The following KCNQ1 variants were observed in gnomAD, a reference collection of about 807,000 sequenced individuals.
KCNQ1 encodes potassium voltage-gated channel subfamily Q member 1.
KCNQ1 carries 49 observed loss-of-function variants against 72.4 expected under a neutral mutation model. The ratio of observed to expected loss-of-function variants is 0.68; its 90% confidence interval spans 0.54 to 0.86. KCNQ1 has a LOEUF of 0.86. KCNQ1 is among the 40% of genes least tolerant of loss of function. The pLI, the probability that KCNQ1 is intolerant of heterozygous loss-of-function variation, is 0.00. For missense variants in KCNQ1, 790 were observed against 945.1 expected, an observed-to-expected ratio of 0.84 and a Z score of 2.15; for synonymous variants, 450 against 412.6, an observed-to-expected ratio of 1.09 and a Z score of -1.10.
chr11:2,509,635 C>T lies in KCNQ1; in HGVS notation c.387-18293C>T, dbSNP rs369091562. ...TCCCAGATGGCCACGGAGGTGTCAG[C>T]GTTTCACTCCCAGCACGTCACGCCA... On this transcript the variant is annotated intron_variant, in intron 1 of 15. Coordinates refer to ENST00000155840, the MANE Select transcript of KCNQ1 (RefSeq NM_000218.3). The surrounding 1 kb of genome is among the most constrained non-coding windows in gnomAD (Gnocchi z 6.3). Among the ~76,000 whole-genome samples, 36 of 152,298 alleles carry T rather than the reference C, an allele frequency of 2.4e-4. No homozygotes were observed. The highest frequency in any genetic ancestry group is 7.9e-4 in the African/African-American group (33 of 41,564).
At chr11:2,721,369 C>T (rs898066761) in intron 11 of KCNQ1, among the ~76,000 whole-genome samples, 2 of 152,210 alleles carry the variant, frequency 1.3e-5, no homozygotes, top group African/African-American at 2.4e-5. Flanking sequence ...AGCCGACTCC[C>T]GCTGGGCGCT....
intron 6 of KCNQ1, among the ~76,000 whole-genome samples, chr11:2,575,631 C>T (rs149259876): frequency 3.3e-5 from 5 of 152,356 alleles, no homozygotes; most frequent in East Asian, 1.9e-4. Context: ...GAGTGAAGTA[C>T]GCCCTCGCCG....
At chr11:2,806,848 G>C (rs776839564) in intron 15 of KCNQ1, among the ~76,000 whole-genome samples, 6 of 152,196 alleles carry the variant, frequency 3.9e-5, no homozygotes, top group African/African-American at 1.4e-4. Flanking sequence ...CCTGGCTTGC[G>C]TGCTGGCTCC....
chr11:2,638,623 C>G (rs1413192949), intron 10 of KCNQ1: 1 of 152,154 alleles, frequency 6.6e-6, no homozygotes, highest in East Asian at 1.9e-4. Flanking sequence ...TCCTTCATTT[C>G]AACTTTGGTG....
intron 11 of KCNQ1, among the ~76,000 whole-genome samples, chr11:2,757,877 C>A (rs979602396): frequency 4.6e-5 from 7 of 152,120 alleles, no homozygotes; most frequent in Non-Finnish European, 7.4e-5. Flanking sequence ...AAATTAAAAC[C>A]CTGACCTAAG....
chr11:2,788,747 T>C (rs551694805), intron 15 of KCNQ1, among the ~76,000 whole-genome samples: 2 of 152,332 alleles, frequency 1.3e-5, no homozygotes, highest in South Asian at 4.1e-4. Flanking sequence ...GCCGTCTTAG[T>C]GGATGGCGGA....
In KCNQ1 at chr11:2,837,101, G is replaced by A. The variant is rs960289666; in HGVS notation, c.1795-10666G>A. 2.6e-5 allele frequency among the ~76,000 whole-genome samples: 4 copies of A among 152,180 alleles called. No individual in the cohort carries two copies. In the East Asian group the frequency reaches 5.8e-4, roughly 22 times the overall value. ...ATGGGCAGGATGGGGCACGTAGGGC[G>A]GAGGAAGAGGCTCACATGGTGTGCG... On this transcript the variant is annotated intron_variant, in intron 15 of 15. Transcript: ENST00000155840.
At chr11:2,622,441 G>A in intron 10 of KCNQ1, 1 of 398,110 alleles carries the variant, frequency 2.5e-6, no homozygotes, top group Non-Finnish European at 4.4e-6. Flanking sequence ...TGTGTCTTTA[G>A]ACCAAAAGTG....
At chr11:2,629,500 T>C (rs1849317462) in intron 10 of KCNQ1, 1 of 398,366 alleles carries the variant, frequency 2.5e-6, no homozygotes, top group South Asian at 1.3e-4. Context: ...TTGAGTTAAT[T>C]TTTGTATATG....
chr11:2,778,455 C>T (rs1846753850), intron 15 of KCNQ1, among the ~76,000 whole-genome samples: 1 of 152,214 alleles, frequency 6.6e-6, no homozygotes, highest in Non-Finnish European at 1.5e-5. Context: ...CCACTTGGGG[C>T]CGGCCGAGGG....
At chr11:2,632,255 ATTAAT>A (rs1849370976) in intron 10 of KCNQ1, 1 of 398,174 alleles carries the variant, frequency 2.5e-6, no homozygotes, top group Admixed American at 4.4e-5. Context: ...ACTTTGCTGA[ATTAAT>A]TTATTCAGTT....
At chr11:2,470,315 T>G (rs1014601904) in intron 1 of KCNQ1, among the ~76,000 whole-genome samples, 1 of 152,144 alleles carries the variant, frequency 6.6e-6, no homozygotes, top group African/African-American at 2.4e-5. Context: ...TTCATTCATA[T>G]TTATATGTTT....
At chr11:2,520,237 G>A (rs567236518) in intron 1 of KCNQ1, among the ~76,000 whole-genome samples, 13 of 152,354 alleles carry the variant, frequency 8.5e-5, no homozygotes, top group Admixed American at 2.6e-4. Flanking sequence ...GGGCAGCCTG[G>A]GACCAGACGT....
Position 2,682,160 on chromosome 11 carries a change from A to C in KCNQ1, c.1514+20079A>C. ...ATCAAATATTCTTTCAGTATTAAAC[A>C]TATCAAGCTCTCTCCTGACCTTCTC... On this transcript the variant is annotated intron_variant, in intron 11 of 15. Coordinates refer to ENST00000155840, the MANE Select transcript of KCNQ1 (RefSeq NM_000218.3). This position sits in a 1 kb window ranked among gnomAD's most constrained non-coding sequence, Gnocchi z 5.8. The C allele has an allele frequency of 2.5e-6, 1 of 398,628 alleles. No homozygotes were observed. 24.7% of individuals were successfully genotyped at this position (398,628 alleles called of 1,614,324 possible).
Position 2,815,071 on chromosome 11 carries a change from G to C in KCNQ1, c.1795-32696G>C, listed in dbSNP as rs1329426119. Reference sequence around the variant, plus strand: ...CCTAGCAACCATCATCCAGGCACCTGCTGCGTGCTGAGCACCATGCTGGGT... The same window carrying C: ...CCTAGCAACCATCATCCAGGCACCTCCTGCGTGCTGAGCACCATGCTGGGT... On this transcript the variant is annotated intron_variant, in intron 15 of 15. Coordinates refer to ENST00000155840, the MANE Select transcript of KCNQ1 (RefSeq NM_000218.3). This position sits in a 1 kb window ranked among gnomAD's most constrained non-coding sequence, Gnocchi z 5.4. Among the ~76,000 whole-genome samples the C allele has an allele frequency of 1.3e-5, 2 of 152,240 alleles. No individual in the cohort carries two copies. Among genetic ancestry groups the C allele is most frequent in the Non-Finnish European group, 2.9e-5 (2 of 68,044 alleles).
intron 11 of KCNQ1, chr11:2,667,186 A>G (rs1388462373): frequency 1.5e-5 from 6 of 398,578 alleles, no homozygotes; most frequent in South Asian, 1.3e-4. Context: ...CCATCAGCCC[A>G]GCTGTGGCGG....
intron 12 of KCNQ1, 124 bp from the exon 13 acceptor site, chr11:2,775,836 C>A (rs943536623): frequency 1.5e-5 from 14 of 909,382 alleles, no homozygotes; most frequent in Non-Finnish European, 2.1e-5. Context: ...TATGCCATCA[C>A]CACATAGGCG....
chr11:2,588,404 C>T lies in KCNQ1; in HGVS notation c.1252-309C>T, dbSNP rs554594092. 2.6e-5 allele frequency among the ~76,000 whole-genome samples: 4 copies of T among 152,330 alleles called. No homozygotes were observed. The highest frequency in any genetic ancestry group is 5.9e-5 in the Non-Finnish European group (4 of 68,024). On this transcript the variant is annotated intron_variant, in intron 9 of 15. Coordinates refer to ENST00000155840, the MANE Select transcript of KCNQ1 (RefSeq NM_000218.3). This position sits in a 1 kb window ranked among gnomAD's most constrained non-coding sequence, Gnocchi z 5.6. ...CCTGTTCCCCCGATATGCATTCTCC[C>T]CTACTGGTCACAGCCCCTGTTACCA...
intron 10 of KCNQ1, chr11:2,641,885 G>A (rs1309268441): frequency 1.3e-5 from 5 of 398,448 alleles, no homozygotes; most frequent in Non-Finnish European, 2.2e-5. Flanking sequence ...TAAGTGAAGA[G>A]GGTGCTCTTT....
Sources: gnomAD v4.1 joint callset for allele counts (sites outside exome capture counted in the v4.1 genomes callset) on GRCh38, gnomAD v4.1.1 for gene constraint, Gnocchi (gnomAD v3.1) non-coding constraint, MANE v1.5 for transcripts, NCBI Gene and HGNC (gene_info 2026-07-23, HGNC 2026-07-21) for gene names.